The following EIF5B variants were observed in gnomAD, a reference collection of about 807,000 sequenced individuals.
The protein encoded by EIF5B is eukaryotic translation initiation factor 5B.
EIF5B carries 47 observed loss-of-function variants against 147.5 expected under a neutral mutation model. The ratio of observed to expected loss-of-function variants is 0.32; its 90% CI spans 0.25 to 0.41. The LOEUF (loss-of-function observed/expected upper bound fraction) is 0.41. EIF5B is among the 10% of genes least tolerant of loss of function. The pLI, the probability that EIF5B is intolerant of heterozygous loss-of-function variation, is 1.00. For missense variants in EIF5B, 1,064 were observed against 1,413.2 expected, an observed-to-expected ratio of 0.75 and a Z score of 3.96; for synonymous variants, 455 against 456.2, an observed-to-expected ratio of 1.00 and a Z score of 0.03.
rs377542353 is a variant in EIF5B, at chr2:99,390,367, C to G, written c.2552C>G (p.Ala851Gly). The change falls in exon 16 of 24, where the codon GCA becomes GGA. Residue 851 changes from alanine to glycine, a missense_variant. Ala to Gly is a moderately conservative substitution (Grantham distance 60). Transcript: ENST00000289371. The stretch of plus-strand genomic sequence containing the variant: ...CAGACCATGTTGAGCAAGAGACTTG[C>G]ACACTGTGAAGAGCTGAGAGCACAG... ...LTQTMLSKRL[A>G]HCEELRAQVM... is the part of the protein sequence containing the mutation. 1 of 1,613,190 alleles carries G rather than the reference C, an allele frequency of 6.2e-7. No individual in the cohort carries two copies. Among genetic ancestry groups the G allele is most frequent in the Non-Finnish European group, 8.5e-7 (1 of 1,179,944 alleles).
intron 10 of EIF5B, among the ~76,000 whole-genome samples, chr2:99,377,604 G>A (rs552757424): frequency 1.3e-5 from 2 of 151,922 alleles, no homozygotes; most frequent in Non-Finnish European, 2.9e-5. Context: ...TGGAATATCT[G>A]TACTGTGCTT....
chr2:99,362,108 C>T (rs1462388394), intron 4 of EIF5B, among the ~76,000 whole-genome samples: 2 of 149,616 alleles, frequency 1.3e-5, no homozygotes, highest in Non-Finnish European at 2.9e-5. Context: ...ATAGAAGTTA[C>T]TTAATGAAAA....
Position 99,390,615 on chromosome 2 carries a change from T to C in EIF5B, c.2658T>C (p.Asp886=). 1.2e-6 allele frequency: 2 copies of C among 1,611,744 alleles called. No individual in the cohort carries two copies. Among genetic ancestry groups the C allele is most frequent in the South Asian group, 1.1e-5 (1 of 91,016 alleles). ...TCAATGGGCGTTTGAAGGAAGGAGA[T>C]ACAATCATTGTTCCTGGAGTAGAAG... The part of the protein sequence containing the change: ...ILINGRLKEG[D]TIIVPGVEGP... Residue 886 remains aspartate, a synonymous_variant, in exon 17 of 24, where the codon GAT becomes GAC. Coordinates refer to ENST00000289371, the MANE Select transcript of EIF5B (RefSeq NM_015904.4).
chr2:99,397,042 T>G, intron 22 of EIF5B, 144 bp downstream of exon 22: 1 of 931,968 alleles, frequency 1.1e-6, no homozygotes, highest in Non-Finnish European at 1.5e-6. Context: ...AACAAATGTT[T>G]CAGTGTTTTT....
At chr2:99,387,456 C>G (rs572661806) in intron 14 of EIF5B, among the ~76,000 whole-genome samples, 2 of 152,198 alleles carry the variant, frequency 1.3e-5, no homozygotes, top group South Asian at 4.1e-4. Context: ...GAATCTTTGT[C>G]AATAATTAAT....
chr2:99,393,330 T>TA (rs974672163), intron 18 of EIF5B, among the ~76,000 whole-genome samples: 1 of 151,972 alleles, frequency 6.6e-6, no homozygotes, highest in African/African-American at 2.4e-5. Context: ...TTTATTCAAA[T>TA]AAAAAAATGA....
At chr2:99,390,804 A>G (rs1281633612) in intron 17 of EIF5B, 99 bp downstream of exon 17, 3 of 1,296,120 alleles carry the variant, frequency 2.3e-6, no homozygotes, top group Non-Finnish European at 3.2e-6. Context: ...TTGACTTAAT[A>G]CAGAACACAT....
intron 1 of EIF5B, among the ~76,000 whole-genome samples, chr2:99,351,749 G>A (rs1270646197): frequency 6.6e-6 from 1 of 152,156 alleles, no homozygotes; most frequent in Non-Finnish European, 1.5e-5. Flanking sequence ...CCAGGCTGGA[G>A]TGCAGTGGCG....
At chr2:99,342,607 A>C (rs2094262448) in intron 1 of EIF5B, among the ~76,000 whole-genome samples, 1 of 143,164 alleles carries the variant, frequency 7.0e-6, no homozygotes, top group Admixed American at 7.6e-5. Context: ...TAAATTGTAA[A>C]ATTTTGTCTT....
chr2:99,383,488 T>G (rs1455985000), intron 14 of EIF5B, among the ~76,000 whole-genome samples: 1 of 152,124 alleles, frequency 6.6e-6, no homozygotes, highest in African/African-American at 2.4e-5. Context: ...ACATAGAATA[T>G]CAGTCCAGCC....
At chr2:99,377,580 G>A (rs1031380164) in intron 10 of EIF5B, among the ~76,000 whole-genome samples, 2 of 151,704 alleles carry the variant, frequency 1.3e-5, no homozygotes, top group Non-Finnish European at 2.9e-5. Flanking sequence ...ATATACCCAT[G>A]TTCGAGAGAG....
intron 10 of EIF5B, 149 bp downstream of exon 10, chr2:99,376,785 G>A (rs901396358): frequency 2.1e-5 from 28 of 1,324,418 alleles, no homozygotes; most frequent in African/African-American, 4.5e-5. Context: ...AATATTACTG[G>A]CCTTTGATAC....
Position 99,361,789 on chromosome 2 carries a change from A to G in EIF5B, c.888A>G (p.Glu296=), listed in dbSNP as rs752291865. 1.3e-6 allele frequency: 2 copies of G among 1,559,428 alleles called. No homozygotes were observed. The highest frequency in any genetic ancestry group is 1.7e-6 in the Non-Finnish European group (2 of 1,163,596). The change falls in exon 4 of 24, where the codon GAA becomes GAG. Residue 296 remains glutamate (E), a synonymous_variant. Coordinates refer to ENST00000289371, the MANE Select transcript of EIF5B (RefSeq NM_015904.4). ...ATACTGGAGTAATTCCTGCCTCTGA[A>G]GAGAAAGCAGAGACTCCCACAGCTG... ...TVDTGVIPAS[E]EKAETPTAAE...
Position 99,390,205 on chromosome 2 carries a change from A to AT in EIF5B, c.2404-9dup. The AT allele has an allele frequency of 6.2e-7, 1 of 1,613,072 alleles. No homozygotes were observed. On this transcript the variant is annotated splice_polypyrimidine_tract_variant and intron_variant, in intron 15 of 23. Transcript: ENST00000289371. ...TCTTTACAGCCTGGCATTTTGGATG[A>AT]TTTTTGCTCCTAGGGTTTGAATGCT...
intron 1 of EIF5B, among the ~76,000 whole-genome samples, chr2:99,347,509 T>G (rs1192488948): frequency 1.3e-5 from 2 of 152,016 alleles, no homozygotes; most frequent in Non-Finnish European, 2.9e-5. Flanking sequence ...TTTTCAGTTT[T>G]TTTTTTTTTT....
At chr2:99,376,661 A>T in intron 10 of EIF5B, 25 bp downstream of exon 10, 1 of 1,572,370 alleles carries the variant, frequency 6.4e-7, no homozygotes, top group Middle Eastern at 1.8e-4. Flanking sequence ...GTTTCTCTCT[A>T]CTTTTCTTCC....
rs375131583 is a variant in EIF5B, at chr2:99,360,657, T to C, written c.246+108T>C. 416 of 990,902 alleles carry C rather than the reference T, an allele frequency of 4.2e-4. 2 individuals are homozygous for C. In the South Asian group the frequency reaches 5.6e-3, roughly 13 times the overall value. The allele number at this position is 990,902 out of a possible 1,614,324, so 61.4% of individuals were successfully genotyped here. A position where few individuals can be genotyped will look rare whatever the true frequency, so the allele number is the denominator to read the frequency against. ...AAACTTTTGAGCAGTGTACAATATG[T>C]TATTTAAAAGCTTCTATGAAATCTG... On this transcript the variant is annotated intron_variant, in intron 3 of 23. Transcript: ENST00000289371.
At chr2:99,376,006 C>G (rs1336699133) in intron 9 of EIF5B, among the ~76,000 whole-genome samples, 1 of 152,174 alleles carries the variant, frequency 6.6e-6, no homozygotes, top group Non-Finnish European at 1.5e-5. Flanking sequence ...TGAAACAGTT[C>G]TGGTCCAGGC....
chr2:99,371,990 CA>C (rs11320097), intron 9 of EIF5B, among the ~76,000 whole-genome samples: 93,956 of 151,938 alleles, frequency 0.62, 29,831 homozygotes, highest in African/African-American at 0.75. Context: ...GATGATGTTA[CA>C]AAATAGGGTT....
Sources: gnomAD v4.1 joint callset for allele counts (sites outside exome capture counted in the v4.1 genomes callset) on GRCh38, gnomAD v4.1.1 for gene constraint, MANE v1.5 for transcripts, NCBI Gene and HGNC (gene_info 2026-07-23, HGNC 2026-07-21) for gene names.